Variants in PTPRD observed in about 807,000 individuals in gnomAD.
PTPRD encodes receptor-type tyrosine-protein phosphatase delta.
In PTPRD, 34 loss-of-function variants were observed where a neutral mutation model predicts 214.5. The observed-to-expected ratio is 0.16, with a 90% CI of 0.12 to 0.21. The LOEUF (loss-of-function observed/expected upper bound fraction) is 0.21, where lower values mean the gene tolerates loss of function less well. PTPRD is among the 10% of genes least tolerant of loss of function. The pLI, the probability that PTPRD is intolerant of heterozygous loss-of-function variation, is 1.00. For missense variants in PTPRD, 2,545 were observed against 2,398.7 expected, an observed-to-expected ratio of 1.06 and a Z score of -1.27; for synonymous variants, 1,128 against 845.7, an observed-to-expected ratio of 1.33 and a Z score of -5.79.
intron 2 of PTPRD, among the ~76,000 whole-genome samples, chr9:10,518,420 G>A (rs1050505774): frequency 1.3e-5 from 2 of 152,064 alleles, no homozygotes. Flanking sequence ...TTGGCAATCA[G>A]TCCAGTGGAA....
chr9:8,605,801 A>T (rs936964820), intron 14 of PTPRD, among the ~76,000 whole-genome samples: 8 of 152,118 alleles, frequency 5.3e-5, no homozygotes, highest in Admixed American at 5.2e-4. Flanking sequence ...ATCTCTATGG[A>T]AGTTGGCAAC....
chr9:9,334,600 C>G (rs1569567465), intron 9 of PTPRD, among the ~76,000 whole-genome samples: 2 of 151,890 alleles, frequency 1.3e-5, no homozygotes, highest in Admixed American at 6.6e-5. Context: ...GATATGTCTC[C>G]TTATCTCTCT....
At chr9:9,925,963 G>A (rs1415510235) in intron 5 of PTPRD, among the ~76,000 whole-genome samples, 2 of 151,970 alleles carry the variant, frequency 1.3e-5, no homozygotes, top group African/African-American at 4.8e-5. Flanking sequence ...TAAGTAGCTG[G>A]GAGTACAGAT....
intron 11 of PTPRD, among the ~76,000 whole-genome samples, chr9:8,814,642 A>G (rs974990432): frequency 2.0e-5 from 3 of 152,230 alleles, no homozygotes; most frequent in Non-Finnish European, 4.4e-5. Context: ...AAACAAGGGC[A>G]TGAGTTTGGA....
At chr9:8,747,863 G>A (rs1173681272) in intron 11 of PTPRD, among the ~76,000 whole-genome samples, 1 of 152,158 alleles carries the variant, frequency 6.6e-6, no homozygotes, top group South Asian at 2.1e-4. Context: ...CCTGTAAAGT[G>A]TGCCAAAGAA....
chr9:8,533,334 C>T (rs972223241), intron 14 of PTPRD, among the ~76,000 whole-genome samples: 2 of 151,930 alleles, frequency 1.3e-5, no homozygotes, highest in Non-Finnish European at 2.9e-5. Context: ...ACTGATTTAA[C>T]GAAGTCTTCA....
At chr9:8,333,859 A>G (rs1481036759) in intron 43 of PTPRD, among the ~76,000 whole-genome samples, 1 of 152,154 alleles carries the variant, frequency 6.6e-6, no homozygotes. Flanking sequence ...GAAGGCAAAA[A>G]AAAAGAGCAG....
chr9:8,322,225 A>G (rs938931962), intron 44 of PTPRD, among the ~76,000 whole-genome samples: 9 of 151,936 alleles, frequency 5.9e-5, no homozygotes, highest in South Asian at 2.1e-4. Flanking sequence ...TAACCCTACA[A>G]TGGCCTCTAA....
intron 27 of PTPRD, among the ~76,000 whole-genome samples, chr9:8,489,293 C>A (rs2097100868): frequency 6.6e-6 from 1 of 152,074 alleles, no homozygotes; most frequent in East Asian, 1.9e-4. Flanking sequence ...TATCCTGGGA[C>A]AGAAAGGCTT....
chr9:9,720,056 A>G (rs1222994174), intron 7 of PTPRD, among the ~76,000 whole-genome samples: 2 of 152,160 alleles, frequency 1.3e-5, no homozygotes, highest in Non-Finnish European at 2.9e-5. Context: ...CCAATCAAAG[A>G]CTGCAAGGCT....
chr9:9,746,723 C>T (rs1328822409), intron 6 of PTPRD, among the ~76,000 whole-genome samples: 1 of 151,870 alleles, frequency 6.6e-6, no homozygotes, highest in Non-Finnish European at 1.5e-5. Flanking sequence ...TATACTGAAT[C>T]CAGAGCTAGC....
chr9:9,208,020 C>CTTTTTTTTT (rs749709602), intron 9 of PTPRD, among the ~76,000 whole-genome samples: 600 of 53,194 alleles, frequency 0.011, 187 homozygotes, highest in African/African-American at 0.026. Flanking sequence ...TATATATCTG[C>CTTTTTTTTT]TTTTTTTTTT....
chr9:10,125,174 G>T (rs1451228939), intron 3 of PTPRD, among the ~76,000 whole-genome samples: 1 of 151,978 alleles, frequency 6.6e-6, no homozygotes, highest in East Asian at 1.9e-4. Context: ...AAACTTAAAG[G>T]TGGGAGCTCT....
chr9:9,872,314 C>T (rs2065677982), intron 5 of PTPRD, among the ~76,000 whole-genome samples: 1 of 152,170 alleles, frequency 6.6e-6, no homozygotes, highest in Non-Finnish European at 1.5e-5. Flanking sequence ...CCTCAATTTC[C>T]TCCACAATTA....
intron 7 of PTPRD, among the ~76,000 whole-genome samples, chr9:9,665,544 G>A (rs1483688191): frequency 6.6e-6 from 1 of 151,646 alleles, no homozygotes; most frequent in Non-Finnish European, 1.5e-5. Flanking sequence ...AGAAAACTGA[G>A]GTTCTATCTA....
At chr9:8,618,932 T>G (rs2095713000) in intron 14 of PTPRD, among the ~76,000 whole-genome samples, 1 of 145,394 alleles carries the variant, frequency 6.9e-6, no homozygotes. Context: ...TTTTTTTTTT[T>G]TTTTTTTACC....
chr9:9,269,125 A>C (rs1437192122), intron 9 of PTPRD, among the ~76,000 whole-genome samples: 2 of 151,430 alleles, frequency 1.3e-5, no homozygotes, highest in East Asian at 2.0e-4. Flanking sequence ...ATAATGGTTT[A>C]ATATCCAAAA....
intron 5 of PTPRD, among the ~76,000 whole-genome samples, chr9:9,811,375 T>C (rs931289921): frequency 6.6e-6 from 1 of 152,102 alleles, no homozygotes; most frequent in African/African-American, 2.4e-5. Flanking sequence ...AATCTCATGA[T>C]GAAACTTTAA....
chr9:9,005,971 G>T (rs1057494845), intron 11 of PTPRD, among the ~76,000 whole-genome samples: 1 of 151,922 alleles, frequency 6.6e-6, no homozygotes, highest in Non-Finnish European at 1.5e-5. Context: ...TTACCAGAGA[G>T]CTTCTGGGGC....
Sources: allele counts gnomAD v4.1 joint callset (sites outside exome capture counted in the v4.1 genomes callset), GRCh38; gene constraint gnomAD v4.1.1; transcripts MANE v1.5; gene names NCBI Gene and HGNC (gene_info 2026-07-23, HGNC 2026-07-21).